Variants in TNPO1 observed in about 807,000 individuals in gnomAD.
TNPO1 encodes the protein transportin 1.
In TNPO1, 8 loss-of-function variants were observed where a neutral mutation model predicts 119.5. The ratio of observed to expected loss-of-function variants is 0.07; its 90% CI spans 0.04 to 0.12. The LOEUF (loss-of-function observed/expected upper bound fraction) is 0.12. Among genes scored for constraint, TNPO1 ranks in the 10% least tolerant of loss-of-function variants. The probability of loss-of-function intolerance (pLI) is 1.00; values close to 1 mark genes in which losing one functional copy is unlikely to be tolerated. For synonymous variants in TNPO1, 362 were observed against 363.0 expected, an observed-to-expected ratio of 1.00 and a Z score of 0.03; for missense variants, 576 against 1,089.8, an observed-to-expected ratio of 0.53 and a Z score of 6.64.
At chr5:72,890,263 C>T (rs1179992246) in intron 14 of TNPO1, among the ~76,000 whole-genome samples, 2 of 152,140 alleles carry the variant, frequency 1.3e-5, no homozygotes, top group Non-Finnish European at 2.9e-5. Flanking sequence ...TTACTTAATT[C>T]CTAATGTTTT....
intron 22 of TNPO1, 35 bp from the exon 23 acceptor site, chr5:72,903,674 A>G (rs751702014): frequency 7.0e-6 from 10 of 1,430,906 alleles, no homozygotes; most frequent in South Asian, 1.2e-5. Context: ...GACAAATACA[A>G]TATCAACCTA....
rs548293016 is a variant in TNPO1 at position 72,882,787 on chromosome 5, C to T, written c.981+260C>T. On this transcript the variant is annotated intron_variant, in intron 10 of 24. Coordinates refer to ENST00000337273, the MANE Select transcript of TNPO1 (RefSeq NM_002270.4). Reference sequence around the variant, plus strand: ...TTTAAAAACATTCTTATATATGCTGCTCTGAATTTGATTCAGGTAACTTAG... The same window carrying T: ...TTTAAAAACATTCTTATATATGCTGTTCTGAATTTGATTCAGGTAACTTAG... Among the ~76,000 whole-genome samples, 6 of 152,194 alleles carry T rather than the reference C, an allele frequency of 3.9e-5. No homozygotes were observed. In the East Asian group the frequency reaches 5.8e-4, roughly 15 times the overall value.
At chr5:72,885,817 C>T (rs1748584076) in intron 11 of TNPO1, among the ~76,000 whole-genome samples, 1 of 148,680 alleles carries the variant, frequency 6.7e-6, no homozygotes, top group Non-Finnish European at 1.5e-5. Context: ...GCCTAGTTCA[C>T]GTTGGAAATT....
At chr5:72,834,717 GTTGT>G (rs1376500822) in intron 1 of TNPO1, among the ~76,000 whole-genome samples, 2 of 152,114 alleles carry the variant, frequency 1.3e-5, no homozygotes, top group Non-Finnish European at 2.9e-5. Flanking sequence ...GAAAGAAATT[GTTGT>G]TTAAGTACAG....
At chr5:72,901,367 CT>C (rs1749785667) in intron 22 of TNPO1, among the ~76,000 whole-genome samples, 1 of 151,974 alleles carries the variant, frequency 6.6e-6, no homozygotes, top group Non-Finnish European at 1.5e-5. Context: ...CATTTATTTA[CT>C]TTGTCCCTGC....
chr5:72,841,397 C>T (rs918074671), intron 1 of TNPO1, among the ~76,000 whole-genome samples: 3 of 152,102 alleles, frequency 2.0e-5, no homozygotes, highest in African/African-American at 2.4e-5. Context: ...GGAATACAGG[C>T]GTGAGCCACC....
rs1339002027 is a variant in TNPO1, at chr5:72,911,388, A to C, written c.*2715A>C. On this transcript the variant is annotated 3_prime_UTR_variant, in exon 25 of 25. Transcript: ENST00000337273. ...TAAAATTAGGTAAATATGACTGGCA[A>C]CCTGAATTTGAGTTGGGATTCTTTG... 1 of 152,504 alleles carries C rather than the reference A, an allele frequency of 6.6e-6. No homozygotes were observed. Among genetic ancestry groups the C allele is most frequent in the Non-Finnish European group, 1.5e-5 (1 of 67,936 alleles). 9.4% of individuals were successfully genotyped at this position (152,504 alleles called of 1,614,324 possible).
intron 24 of TNPO1, among the ~76,000 whole-genome samples, chr5:72,908,205 TAAC>T (rs1181058930): frequency 1.3e-5 from 2 of 152,160 alleles, no homozygotes; most frequent in African/African-American, 4.8e-5. Context: ...CAACCCCAAA[TAAC>T]AAATGCTCTT....
intron 9 of TNPO1, chr5:72,879,264 A>G (rs1748050998): frequency 6.2e-6 from 1 of 161,420 alleles, no homozygotes; most frequent in Admixed American, 6.4e-5. Flanking sequence ...TTCACTCCAG[A>G]GATTTTATTA....
chr5:72,868,137 T>G (rs1223947606), intron 6 of TNPO1, among the ~76,000 whole-genome samples: 1 of 152,132 alleles, frequency 6.6e-6, no homozygotes. Flanking sequence ...TTTTGACATT[T>G]AAGAGCTTAA....
intron 22 of TNPO1, among the ~76,000 whole-genome samples, chr5:72,902,454 A>T (rs1749863590): frequency 6.6e-6 from 1 of 152,124 alleles, no homozygotes; most frequent in Non-Finnish European, 1.5e-5. Flanking sequence ...AGAACAAGCC[A>T]GTGCCATCTT....
At chr5:72,892,570 G>A (rs184004225) in intron 15 of TNPO1, among the ~76,000 whole-genome samples, 1 of 152,274 alleles carries the variant, frequency 6.6e-6, no homozygotes, top group East Asian at 1.9e-4. Flanking sequence ...AGTATCTGCA[G>A]GGGATTGTTT....
chr5:72,861,919 G>A lies in TNPO1; in HGVS notation c.462+5G>A, dbSNP rs756066600. ...GAAGATTATAATACCTGTGAGGTAA[G>A]GATATTTGTTTCATACATAATTGGG... On this transcript the variant is annotated splice_donor_5th_base_variant and intron_variant, in intron 5 of 24. Transcript: ENST00000337273. 3.8e-6 allele frequency: 6 copies of A among 1,599,764 alleles called. No homozygotes were observed. The highest frequency in any genetic ancestry group is 2.2e-5 in the South Asian group (2 of 90,726).
At chr5:72,858,755 T>A (rs1258426546) in intron 4 of TNPO1, among the ~76,000 whole-genome samples, 1 of 151,840 alleles carries the variant, frequency 6.6e-6, no homozygotes, top group Non-Finnish European at 1.5e-5. Flanking sequence ...GAGAATGGCA[T>A]GAACCCGGGA....
intron 1 of TNPO1, among the ~76,000 whole-genome samples, chr5:72,836,475 A>G (rs1744698975): frequency 6.6e-6 from 1 of 152,196 alleles, no homozygotes; most frequent in African/African-American, 2.4e-5. Context: ...ATGCTGCACT[A>G]TAATGTGGGT....
intron 2 of TNPO1, among the ~76,000 whole-genome samples, chr5:72,850,065 T>C (rs565693708): frequency 2.0e-5 from 3 of 152,332 alleles, no homozygotes; most frequent in Admixed American, 1.3e-4. Flanking sequence ...CAACTTTCTG[T>C]TGCTGTGAGA....
chr5:72,839,152 A>G (rs1018402742), intron 1 of TNPO1, among the ~76,000 whole-genome samples: 4 of 152,202 alleles, frequency 2.6e-5, no homozygotes, highest in Non-Finnish European at 5.9e-5. Context: ...CTAACTCTCC[A>G]GTTGAATGTA....
intron 6 of TNPO1, among the ~76,000 whole-genome samples, chr5:72,872,261 A>G (rs965241245): frequency 3.3e-5 from 5 of 152,214 alleles, no homozygotes; most frequent in Non-Finnish European, 7.3e-5. Context: ...ATATGCCAGA[A>G]CACATGGACT....
chr5:72,905,390 G>A lies in TNPO1; in HGVS notation c.2677G>A (p.Ala893Thr), dbSNP rs781559516. The A allele has an allele frequency of 5.0e-6, 8 of 1,611,108 alleles. No homozygotes were observed. The East Asian group carries it at 1.1e-4, about 22-fold the overall frequency. ...TCCTCTTCCCTTAAAAGAGCGTCTT[G>A]CAGCTTTTTATGGTGTTTAATCTAA... Reference protein sequence around the residue: ...QFPLPLKERLAAFYGV With the variant: ...QFPLPLKERLTAFYGV The change falls in exon 24 of 25, where the codon GCA becomes ACA. Residue 893 changes from alanine (A) to threonine (T), a missense_variant. Physicochemically the swap from Ala to Thr is moderately conservative, Grantham distance 58 (BLOSUM62 0). Coordinates refer to ENST00000337273, the MANE Select transcript of TNPO1 (RefSeq NM_002270.4).
Sources: allele counts gnomAD v4.1 joint callset (sites outside exome capture counted in the v4.1 genomes callset), GRCh38; gene constraint gnomAD v4.1.1; transcripts MANE v1.5; gene names NCBI Gene and HGNC (gene_info 2026-07-23, HGNC 2026-07-21).